The following ERC1 variants were observed in gnomAD, a reference collection of about 807,000 sequenced individuals.
ERC1 encodes ELKS/RAB6-interacting/CAST family member 1.
A neutral mutation model predicts 132.0 loss-of-function variants in ERC1; 56 were observed. The observed-to-expected ratio is 0.42, with a 90% confidence interval of 0.34 to 0.53. The LOEUF (loss-of-function observed/expected upper bound fraction) is 0.53. Ranked by LOEUF, ERC1 falls within the 20% of genes least tolerant of loss-of-function variation. ERC1 has a pLI of 0.03. For missense variants in ERC1, 1,202 were observed against 1,349.9 expected (o/e 0.89, Z 1.72); for synonymous variants, 478 against 476.1 (o/e 1.00, Z -0.05).
chr12:1,248,309 C>T (rs924319540), intron 13 of ERC1, among the ~76,000 whole-genome samples: 15 of 152,074 alleles, frequency 9.9e-5, no homozygotes, highest in African/African-American at 3.6e-4. Context: ...GGAACATTGT[C>T]TCATGGAAAA....
chr12:1,017,495 A>ATTT (rs67654163), intron 1 of ERC1, among the ~76,000 whole-genome samples: 3,239 of 124,854 alleles, frequency 0.026, 75 homozygotes, highest in Middle Eastern at 0.081. Flanking sequence ...TTGTTCTGGT[A>ATTT]TTTTTTTTTT....
In ERC1 at chr12:1,264,395, G is replaced by GT. The variant is rs1207654528; in HGVS notation, c.2619+1232dup. Among the ~76,000 whole-genome samples, 4 of 152,276 alleles carry GT rather than the reference G, an allele frequency of 2.6e-5. No individual in the cohort carries two copies. In the East Asian group the frequency reaches 7.7e-4, roughly 29 times the overall value. Reference sequence around the variant, plus strand: ...TTTCAAACCTAGGCCGAGCGCGGTGGTTCACGCCTGTAATCCCAGCACTTT... The same window carrying GT: ...TTTCAAACCTAGGCCGAGCGCGGTGGTTTCACGCCTGTAATCCCAGCACTTT... On this transcript the variant is annotated intron_variant, in intron 14 of 18. Transcript: ENST00000360905.
intron 2 of ERC1, among the ~76,000 whole-genome samples, chr12:1,065,477 C>CATTTGTGT (rs1555223430): frequency 4.6e-5 from 2 of 43,460 alleles, no homozygotes; most frequent in Non-Finnish European, 5.5e-5. Flanking sequence ...TTCTTTGTAC[C>CATTTGTGT]GTTTGTGTGT....
At chr12:1,363,497 A>G (rs2086339811) in intron 15 of ERC1, among the ~76,000 whole-genome samples, 1 of 143,780 alleles carries the variant, frequency 7.0e-6, no homozygotes, top group Admixed American at 7.0e-5. Context: ...GTCAGTCCAT[A>G]TTGGGATAAC....
chr12:1,401,708 A>G (rs937094631), intron 16 of ERC1, among the ~76,000 whole-genome samples: 2 of 151,790 alleles, frequency 1.3e-5, no homozygotes, highest in Non-Finnish European at 2.9e-5. Flanking sequence ...TATTCAGTAA[A>G]TGTTGGCTTG....
intron 15 of ERC1, among the ~76,000 whole-genome samples, chr12:1,306,762 C>T (rs2080914722): frequency 1.3e-5 from 2 of 151,672 alleles, no homozygotes; most frequent in Admixed American, 1.3e-4. Context: ...TTTAGACAGG[C>T]CCAGACAGTT....
At position 1,042,001 on chromosome 12, in the gene ERC1, G is replaced by A. The variant is rs148703353; in HGVS notation, c.669+13429G>A. ...AGACCTCAGATGATCCACCCGCCTT[G>A]GCCTCCCAAAGTGCTGGCATTACAG... On this transcript the variant is annotated intron_variant, in intron 2 of 18. Transcript: ENST00000360905. Among the ~76,000 whole-genome samples the A allele has an allele frequency of 3.3e-3, 504 of 151,968 alleles. 4 individuals are homozygous for A. The highest frequency in any genetic ancestry group is 5.3e-3 in the Non-Finnish European group (361 of 67,932).
intron 16 of ERC1, among the ~76,000 whole-genome samples, chr12:1,385,135 C>T (rs1591671666): frequency 6.6e-6 from 1 of 152,322 alleles, no homozygotes; most frequent in East Asian, 1.9e-4. Context: ...CAGTCATTGG[C>T]CTGAAGCCAG....
chr12:1,128,999 TTA>T (rs1256885974), intron 7 of ERC1, among the ~76,000 whole-genome samples: 1 of 152,166 alleles, frequency 6.6e-6, no homozygotes, highest in Non-Finnish European at 1.5e-5. Flanking sequence ...TGAGCCCAAC[TTA>T]TATGTAGGAG....
chr12:1,350,240 T>A (rs554311691), intron 15 of ERC1, among the ~76,000 whole-genome samples: 1 of 152,314 alleles, frequency 6.6e-6, no homozygotes, highest in East Asian at 1.9e-4. Context: ...TAGTATCTAG[T>A]GTTAAAAGAA....
chr12:1,393,265 C>T (rs779059327), intron 16 of ERC1, among the ~76,000 whole-genome samples: 22 of 152,238 alleles, frequency 1.4e-4, no homozygotes, highest in Non-Finnish European at 2.2e-4. Flanking sequence ...TGGTGGCTTA[C>T]GCCTGTAATC....
rs562657555 is a variant in ERC1, at chr12:1,366,689, G to C, written c.2781-5144G>C. ...ATAGAATGATGGAGAAATCAGAGAA[G>C]AGGCTTTAAGAATAATGCAGGCCCA... is the stretch of plus-strand genomic sequence containing the variant. On this transcript the variant is annotated intron_variant, in intron 15 of 18. Transcript: ENST00000360905. Among the ~76,000 whole-genome samples, 9 of 152,298 alleles carry C rather than the reference G, an allele frequency of 5.9e-5. No homozygotes were observed. In the South Asian group the frequency reaches 1.7e-3, roughly 28 times the overall value.
At chr12:1,267,982 A>T (rs539661977) in intron 14 of ERC1, among the ~76,000 whole-genome samples, 1 of 152,246 alleles carries the variant, frequency 6.6e-6, no homozygotes, top group African/African-American at 2.4e-5. Context: ...ATTTTTAAGG[A>T]TTACATATTT....
chr12:1,096,524 G>A (rs762490832), intron 3 of ERC1, among the ~76,000 whole-genome samples: 33 of 152,158 alleles, frequency 2.2e-4, no homozygotes, highest in East Asian at 2.1e-3. Context: ...AATATCTACC[G>A]TGTGCCCAGT....
intron 14 of ERC1, among the ~76,000 whole-genome samples, chr12:1,280,095 A>G (rs2078575572): frequency 6.6e-6 from 1 of 152,180 alleles, no homozygotes; most frequent in Admixed American, 6.5e-5. Flanking sequence ...CAAGGGATAT[A>G]TCGTTCGCTT....
At chr12:1,363,398 C>G (rs978843393) in intron 15 of ERC1, among the ~76,000 whole-genome samples, 1 of 152,154 alleles carries the variant, frequency 6.6e-6, no homozygotes, top group African/African-American at 2.4e-5. Context: ...TTTGTTCAAT[C>G]AATGTCATTT....
At chr12:1,151,363 C>A (rs575744246) in intron 8 of ERC1, among the ~76,000 whole-genome samples, 5 of 152,190 alleles carry the variant, frequency 3.3e-5, no homozygotes, top group Admixed American at 2.6e-4. Flanking sequence ...TCTTCTTTGC[C>A]CCTGGCTTCC....
At chr12:1,408,441 A>C (rs1462899631) in intron 17 of ERC1, among the ~76,000 whole-genome samples, 194 bp downstream of exon 17, 1 of 152,238 alleles carries the variant, frequency 6.6e-6, no homozygotes, top group Non-Finnish European at 1.5e-5. Flanking sequence ...TGGATATTTT[A>C]AGAGCAGATA....
At chr12:1,336,192 T>TA in intron 15 of ERC1, among the ~76,000 whole-genome samples, 1 of 152,192 alleles carries the variant, frequency 6.6e-6, no homozygotes, top group East Asian at 1.9e-4. Flanking sequence ...AATTTTTTTT[T>TA]AAAAAATAAA....
Sources: gnomAD v4.1 joint callset for allele counts (sites outside exome capture counted in the v4.1 genomes callset) on GRCh38, gnomAD v4.1.1 for gene constraint, MANE v1.5 for transcripts, NCBI Gene and HGNC (gene_info 2026-07-23, HGNC 2026-07-21) for gene names.